The following SDCCAG8 variants were observed in gnomAD, a reference collection of about 807,000 sequenced individuals.
SDCCAG8 encodes the protein serologically defined colon cancer antigen 8.
A neutral mutation model predicts 101.8 loss-of-function variants in SDCCAG8; 74 were observed. That is an observed-to-expected ratio of 0.73 (90% CI 0.60 to 0.88). The LOEUF (loss-of-function observed/expected upper bound fraction) is 0.88. SDCCAG8 is among the 40% of genes least tolerant of loss of function. The probability of loss-of-function intolerance (pLI) is 0.00; values close to 1 mark genes in which losing one functional copy is unlikely to be tolerated. For missense variants in SDCCAG8, 787 were observed against 822.6 expected, an observed-to-expected ratio of 0.96 and a Z score of 0.53; for synonymous variants, 281 against 292.9, an observed-to-expected ratio of 0.96 and a Z score of 0.41.
At position 243,348,998 on chromosome 1, in the gene SDCCAG8, A is replaced by G. The variant is rs544346703; in HGVS notation, c.1473+4667A>G. Among the ~76,000 whole-genome samples, 119 of 151,114 alleles carry G rather than the reference A, an allele frequency of 7.9e-4. 1 individual carries two copies. The highest frequency in any genetic ancestry group is 2.7e-3 in the African/African-American group (109 of 40,900). ...CGAAACCCTGTCTTGGATAAAAACA[A>G]AACAAACAAAACAAAAAAAAAAAAA... is the stretch of plus-strand genomic sequence containing the variant. On this transcript the variant is annotated intron_variant, in intron 12 of 17. Coordinates refer to ENST00000366541, the MANE Select transcript of SDCCAG8 (RefSeq NM_006642.5).
At chr1:243,352,717 A>G (rs1024131122) in intron 12 of SDCCAG8, among the ~76,000 whole-genome samples, 1 of 152,266 alleles carries the variant, frequency 6.6e-6, no homozygotes, top group Non-Finnish European at 1.5e-5. Context: ...AACAGAAGCC[A>G]GTAGTTCCAT....
intron 6 of SDCCAG8, among the ~76,000 whole-genome samples, chr1:243,303,730 C>G (rs1482499786): frequency 6.6e-6 from 1 of 151,928 alleles, no homozygotes; most frequent in Non-Finnish European, 1.5e-5. Flanking sequence ...ATTGTTAAGT[C>G]TTCTAGTCAA....
chr1:243,406,724 C>T (rs2079810368), intron 13 of SDCCAG8, among the ~76,000 whole-genome samples: 1 of 152,138 alleles, frequency 6.6e-6, no homozygotes, highest in Non-Finnish European at 1.5e-5. Flanking sequence ...ATAATCTCCC[C>T]TCCACCAACT....
chr1:243,325,100 A>G (rs1323962234), intron 9 of SDCCAG8, among the ~76,000 whole-genome samples: 1 of 152,246 alleles, frequency 6.6e-6, no homozygotes, highest in Non-Finnish European at 1.5e-5. Flanking sequence ...TTTCTCCACC[A>G]GAAGACCTTG....
At position 243,300,162 on chromosome 1, in the gene SDCCAG8, C is replaced by T. The variant is rs142473852; in HGVS notation, c.676-4551C>T. On this transcript the variant is annotated intron_variant, in intron 6 of 17. Coordinates refer to ENST00000366541, the MANE Select transcript of SDCCAG8 (RefSeq NM_006642.5). ...ACAGGCGTGAGCCACTGTGCCTGGC[C>T]ATGAATTAATTATTTTTATGATTCC... Among the ~76,000 whole-genome samples, 3 of 152,258 alleles carry T rather than the reference C, an allele frequency of 2.0e-5. No homozygotes were observed. The East Asian group carries it at 5.8e-4, about 29-fold the overall frequency.
intron 1 of SDCCAG8, among the ~76,000 whole-genome samples, chr1:243,261,515 A>G (rs2067190344): frequency 6.6e-6 from 1 of 152,220 alleles, no homozygotes; most frequent in African/African-American, 2.4e-5. Flanking sequence ...TTTTGCTTGT[A>G]TATGATTAGC....
intron 9 of SDCCAG8, among the ~76,000 whole-genome samples, chr1:243,327,326 T>C: frequency 6.9e-6 from 1 of 144,250 alleles, no homozygotes; most frequent in East Asian, 2.0e-4. Flanking sequence ...AAATTAAAAT[T>C]ATAATTATAA....
intron 17 of SDCCAG8, among the ~76,000 whole-genome samples, chr1:243,497,420 A>G (rs899265138): frequency 1.4e-4 from 22 of 151,906 alleles, no homozygotes; most frequent in Admixed American, 1.4e-3. Context: ...CCTGAACCGC[A>G]GGAAATACAA....
intron 16 of SDCCAG8, among the ~76,000 whole-genome samples, chr1:243,433,383 C>G (rs1385365967): frequency 4.0e-5 from 6 of 149,638 alleles, no homozygotes; most frequent in Non-Finnish European, 8.9e-5. Flanking sequence ...AAAGGATATA[C>G]TCTGCCGCAC....
intron 6 of SDCCAG8, among the ~76,000 whole-genome samples, chr1:243,294,492 A>AGAGAAAGAGC (rs2070620566): frequency 7.4e-6 from 1 of 134,556 alleles, no homozygotes; most frequent in African/African-American, 2.9e-5. Flanking sequence ...GGAGAGAGAG[A>AGAGAAAGAGC]GAGAGAGAAA....
chr1:243,347,478 CAG>C (rs1217821742), intron 12 of SDCCAG8, among the ~76,000 whole-genome samples: 3 of 152,178 alleles, frequency 2.0e-5, no homozygotes, highest in Non-Finnish European at 4.4e-5. Flanking sequence ...AGGAAATAAA[CAG>C]AACTCTTAGT....
rs776045824 is a variant in SDCCAG8, at chr1:243,488,978, T to C, written c.1986-36T>C. On this transcript the variant is annotated intron_variant, in intron 16 of 17. Coordinates refer to ENST00000366541, the MANE Select transcript of SDCCAG8 (RefSeq NM_006642.5). ...CCTGGGCCTGTTGAAAGGCTGACGT[T>C]ATCCCTCTTTAATTCTGCGGTGGAT... 77 of 1,612,854 alleles carry C rather than the reference T, an allele frequency of 4.8e-5. No homozygotes were observed. The Admixed American group carries it at 1.2e-3, about 26-fold the overall frequency.
chr1:243,435,403 C>A (rs1393286723), intron 16 of SDCCAG8, among the ~76,000 whole-genome samples: 1 of 152,178 alleles, frequency 6.6e-6, no homozygotes, highest in Non-Finnish European at 1.5e-5. Flanking sequence ...TAGTTCCTGG[C>A]ACAACGTTAG....
intron 6 of SDCCAG8, among the ~76,000 whole-genome samples, 198 bp from the exon 7 acceptor site, chr1:243,304,515 G>C (rs1172243956): frequency 2.0e-5 from 3 of 152,114 alleles, no homozygotes; most frequent in African/African-American, 7.2e-5. Flanking sequence ...TCAATTTTAT[G>C]ACTCAGCGGT....
At chr1:243,399,051 C>T (rs1174536787) in intron 13 of SDCCAG8, among the ~76,000 whole-genome samples, 2 of 152,202 alleles carry the variant, frequency 1.3e-5, no homozygotes, top group South Asian at 2.1e-4. Context: ...ATTACATATA[C>T]ACATACGTGT....
intron 9 of SDCCAG8, among the ~76,000 whole-genome samples, chr1:243,322,252 G>C (rs1045791411): frequency 2.4e-4 from 36 of 152,286 alleles, no homozygotes; most frequent in African/African-American, 7.9e-4. Context: ...CTGTCTCCTC[G>C]TTCTGCGGCA....
intron 16 of SDCCAG8, among the ~76,000 whole-genome samples, chr1:243,475,660 G>T (rs183598116): frequency 3.3e-5 from 5 of 152,256 alleles, no homozygotes; most frequent in Non-Finnish European, 7.4e-5. Context: ...AGGGTTTCTG[G>T]TTGGAACACC....
At chr1:243,307,048 A>T (rs1488297733) in intron 7 of SDCCAG8, among the ~76,000 whole-genome samples, 1 of 151,346 alleles carries the variant, frequency 6.6e-6, no homozygotes, top group Admixed American at 6.6e-5. Flanking sequence ...TTTCAGCTAG[A>T]AAGTTTTTTT....
chr1:243,261,693 A>G (rs1365292737), intron 1 of SDCCAG8, among the ~76,000 whole-genome samples: 2 of 152,002 alleles, frequency 1.3e-5, no homozygotes, highest in African/African-American at 4.8e-5. Context: ...TAAAACTTGT[A>G]TTTCTTTTTT....
Sources: gnomAD v4.1 joint callset for allele counts (sites outside exome capture counted in the v4.1 genomes callset) on GRCh38, gnomAD v4.1.1 for gene constraint, MANE v1.5 for transcripts, NCBI Gene and HGNC (gene_info 2026-07-23, HGNC 2026-07-21) for gene names.